The following TTC7A variants were observed in gnomAD, a reference collection of about 807,000 sequenced individuals.
TTC7A encodes tetratricopeptide repeat protein 7A.
In TTC7A, 110 loss-of-function variants were observed where a neutral mutation model predicts 103.7. The observed-to-expected ratio is 1.06, with a 90% confidence interval of 0.91 to 1.24. The LOEUF (loss-of-function observed/expected upper bound fraction) is 1.24. Ranked by LOEUF, TTC7A falls within the 50% of genes most tolerant of loss-of-function variation. The pLI, the probability that TTC7A is intolerant of heterozygous loss-of-function variation, is 0.00. For synonymous variants in TTC7A, 521 were observed against 467.9 expected (o/e 1.11, Z -1.47); for missense variants, 1,340 against 1,116.3 (o/e 1.20, Z -2.86).
Position 46,950,473 on chromosome 2 carries a change from A to T in TTC7A, c.295A>T (p.Met99Leu). 1 of 1,614,228 alleles carries T rather than the reference A, an allele frequency of 6.2e-7. No homozygotes were observed. Among genetic ancestry groups the T allele is most frequent in the Non-Finnish European group, 8.5e-7 (1 of 1,180,052 alleles). The change falls in exon 2 of 20, where the codon ATG becomes TTG. Residue 99 changes from methionine (M) to leucine (L), a missense_variant. Transcript: ENST00000319190. Reference protein sequence around the residue: ...MPLLEKNEPKMSEAKNYLSSI... With the variant: ...MPLLEKNEPKLSEAKNYLSSI... ...TTTGCTGGAGAAGAATGAGCCGAAG[A>T]TGAGCGAAGCCAAAAATTATCTAAG...
At chr2:47,015,475 G>C (rs1678541894) in intron 11 of TTC7A, among the ~76,000 whole-genome samples, 1 of 152,200 alleles carries the variant, frequency 6.6e-6, no homozygotes, top group Non-Finnish European at 1.5e-5. Flanking sequence ...GGCTTTGGAG[G>C]CAGAGATGGT....
At chr2:47,050,100 C>A in intron 17 of TTC7A, 54 bp downstream of exon 17, 1 of 1,435,196 alleles carries the variant, frequency 7.0e-7, no homozygotes, top group South Asian at 1.1e-5. Flanking sequence ...CTCACACTCC[C>A]AGCTTGAGAG....
chr2:47,006,576 A>C, intron 9 of TTC7A, 65 bp from the exon 10 acceptor site: 2 of 1,406,340 alleles, frequency 1.4e-6, no homozygotes, highest in African/African-American at 2.8e-5. Flanking sequence ...CTACCCTGGA[A>C]GGGTGCGGAT....
In TTC7A at chr2:47,029,271, G is replaced by A. The variant is rs770191427; in HGVS notation, c.1689G>A (p.Lys563=). Residue 563 remains lysine, a synonymous_variant, in exon 15 of 20, where the codon AAG becomes AAA. Transcript: ENST00000319190. ...EQLQEALKVR[K]DDAHALHLLA... is the part of the protein sequence containing the mutation. ...TGCAGGAGGCCCTGAAGGTACGCAA[G>A]GATGATGCCCACGCCCTCCACCTGC... The A allele has an allele frequency of 6.8e-5, 110 of 1,613,940 alleles. 1 individual carries two copies. The South Asian group carries it at 8.9e-4, about 13-fold the overall frequency.
intron 3 of TTC7A, among the ~76,000 whole-genome samples, chr2:46,967,034 G>A (rs1377492276): frequency 8.6e-5 from 13 of 151,768 alleles, no homozygotes; most frequent in African/African-American, 1.9e-4. Flanking sequence ...CCAACATGGC[G>A]AAACCCCATC....
At chr2:46,963,826 G>A (rs1204315915) in intron 3 of TTC7A, among the ~76,000 whole-genome samples, 1 of 152,186 alleles carries the variant, frequency 6.6e-6, no homozygotes, top group African/African-American at 2.4e-5. Flanking sequence ...CTCAGAAGGA[G>A]AGACTGCCTG....
At chr2:47,037,544 T>C (rs1397921363) in intron 15 of TTC7A, among the ~76,000 whole-genome samples, 3 of 152,214 alleles carry the variant, frequency 2.0e-5, no homozygotes, top group Non-Finnish European at 4.4e-5. Flanking sequence ...CAAGATCACA[T>C]AGCTGATGAG....
intron 15 of TTC7A, among the ~76,000 whole-genome samples, chr2:47,037,861 G>T (rs924609020): frequency 6.6e-6 from 1 of 152,196 alleles, no homozygotes; most frequent in African/African-American, 2.4e-5. Flanking sequence ...AACCCTTTCT[G>T]AAGTGCCAGC....
chr2:46,938,548 G>T (rs1670092690), upstream of TTC7A, among the ~76,000 whole-genome samples: 1 of 152,108 alleles, frequency 6.6e-6, no homozygotes, highest in African/African-American at 2.4e-5. Context: ...CTCTCCTGAG[G>T]ATTTTTTTCC....
intron 3 of TTC7A, among the ~76,000 whole-genome samples, chr2:46,969,037 G>A (rs1251931574): frequency 6.6e-6 from 1 of 151,724 alleles, no homozygotes; most frequent in Non-Finnish European, 1.5e-5. Context: ...ACAGTGCTGG[G>A]ATTACAGACG....
intron 5 of TTC7A, among the ~76,000 whole-genome samples, chr2:46,983,527 G>A (rs12474481): frequency 1.8e-3 from 281 of 152,316 alleles, no homozygotes; most frequent in Middle Eastern, 6.8e-3. Context: ...AAGAGAGGCC[G>A]TCCTCAGCTG....
chr2:46,947,744 A>G (rs76152735), intron 1 of TTC7A, among the ~76,000 whole-genome samples: 10,350 of 152,280 alleles, frequency 0.068, 466 homozygotes, highest in African/African-American at 0.13. Flanking sequence ...ATGCTCTGAT[A>G]CTTTCATAAA....
At chr2:47,042,702 G>GTGTGTGTGTGTA (rs111460716) in intron 15 of TTC7A, among the ~76,000 whole-genome samples, 25 of 142,722 alleles carry the variant, frequency 1.8e-4, no homozygotes, top group Admixed American at 7.0e-4. Flanking sequence ...GTGTGTGTGT[G>GTGTGTGTGTGTA]TATATATATG....
intron 14 of TTC7A, among the ~76,000 whole-genome samples, chr2:47,028,063 A>C (rs940200285): frequency 6.6e-6 from 1 of 152,154 alleles, no homozygotes; most frequent in Admixed American, 6.5e-5. Context: ...ATCGGAGGCA[A>C]GGAGAGGGGC....
At chr2:47,054,120 C>G in intron 18 of TTC7A, 1 of 985,436 alleles carries the variant, frequency 1.0e-6, no homozygotes, top group South Asian at 4.7e-5. Context: ...ACTCCGAGAA[C>G]AGCATCTGAA....
intron 15 of TTC7A, among the ~76,000 whole-genome samples, chr2:47,031,128 C>A (rs1558602670): frequency 6.6e-6 from 1 of 152,170 alleles, no homozygotes; most frequent in Non-Finnish European, 1.5e-5. Context: ...GCCTGGGCGA[C>A]AGAGCGAGAC....
intron 11 of TTC7A, among the ~76,000 whole-genome samples, chr2:47,014,705 G>A (rs1008473745): frequency 6.6e-6 from 1 of 152,240 alleles, no homozygotes; most frequent in Non-Finnish European, 1.5e-5. Flanking sequence ...TCTGGCTCAC[G>A]TCAGCCCCCA....
intron 11 of TTC7A, among the ~76,000 whole-genome samples, chr2:47,016,012 C>G (rs1227691702): frequency 6.6e-6 from 1 of 152,124 alleles, no homozygotes; most frequent in Non-Finnish European, 1.5e-5. Flanking sequence ...TTCTGTAGTT[C>G]CCAGAAAGAG....
At chr2:46,973,500 G>T (rs1268612971) in intron 3 of TTC7A, among the ~76,000 whole-genome samples, 1 of 152,240 alleles carries the variant, frequency 6.6e-6, no homozygotes, top group Non-Finnish European at 1.5e-5. Context: ...GCCGCAGGTT[G>T]CCGGTTGAGG....
Sources: gnomAD v4.1 joint callset for allele counts (sites outside exome capture counted in the v4.1 genomes callset) on GRCh38, gnomAD v4.1.1 for gene constraint, MANE v1.5 for transcripts, NCBI Gene and HGNC (gene_info 2026-07-23, HGNC 2026-07-21) for gene names.